ZNF717: variants seen among roughly 807,000 people sequenced by gnomAD.
ZNF717 encodes the protein krueppel-like factor X17.
Under a neutral mutation model 13.8 loss-of-function variants are expected in ZNF717, and 9 were observed. The observed-to-expected ratio is 0.65, with a 90% CI of 0.39 to 1.14. ZNF717 has a LOEUF of 1.14. ZNF717 is among the 50% of genes most tolerant of loss of function. The pLI is 0.01. For synonymous variants in ZNF717, 327 were observed against 364.1 expected (o/e 0.90, Z 1.16); for missense variants, 1,040 against 1,080.7 (o/e 0.96, Z 0.53).
chr3:75,776,068 C>T (rs1944294712), intron 2 of ZNF717, among the ~76,000 whole-genome samples: 1 of 152,252 alleles, frequency 6.6e-6, no homozygotes, highest in Non-Finnish European at 1.5e-5. Flanking sequence ...CAGTGCCATG[C>T]ACCTAATTTG....
intron 2 of ZNF717, among the ~76,000 whole-genome samples, chr3:75,763,641 C>A (rs1457639756): frequency 1.3e-5 from 2 of 152,222 alleles, no homozygotes; most frequent in East Asian, 3.8e-4. Context: ...TCTCTGCCAA[C>A]CCAGGATTAG....
rs68133263 is a variant in ZNF717 at position 75,779,713 on chromosome 3, G to A, written c.57+3593C>T. On this transcript the variant is annotated intron_variant, in intron 2 of 4. Transcript: ENST00000652011. Reference sequence around the variant, plus strand: ...CAGGATCCAAAGCAATGGGAGTGACGTGCTAAAACCGGAACCCAAAACCAT... The same window carrying A: ...CAGGATCCAAAGCAATGGGAGTGACATGCTAAAACCGGAACCCAAAACCAT... Among the ~76,000 whole-genome samples the A allele has an allele frequency of 2.6e-3, 385 of 146,176 alleles. 18 individuals carry two copies. The East Asian group carries it at 0.059, about 22-fold the overall frequency.
chr3:75,741,148 A>G, intron 4 of ZNF717, 128 bp downstream of exon 4: 3 of 658,242 alleles, frequency 4.6e-6, no homozygotes, highest in Middle Eastern at 4.1e-4. Flanking sequence ...TATAATGCAC[A>G]TTTAATGCAG....
intron 2 of ZNF717, among the ~76,000 whole-genome samples, chr3:75,754,716 C>T: frequency 6.6e-6 from 1 of 151,992 alleles, no homozygotes; most frequent in East Asian, 1.9e-4. Context: ...TGTGGGACAA[C>T]TACAAAAGGT....
intron 6 of ZNF717, among the ~76,000 whole-genome samples, chr3:75,696,270 A>T (rs1937602305): frequency 6.6e-6 from 1 of 152,310 alleles, no homozygotes; most frequent in Admixed American, 6.5e-5. Context: ...AAAAATCTAA[A>T]ACCTGAACAG....
intron 2 of ZNF717, among the ~76,000 whole-genome samples, chr3:75,758,503 T>C (rs1942693349): frequency 6.6e-6 from 1 of 152,146 alleles, no homozygotes; most frequent in Non-Finnish European, 1.5e-5. Flanking sequence ...GGTACAGCAG[T>C]ACGAAGGCCT....
chr3:75,718,641 C>T (rs200981682), intron 4 of ZNF717, among the ~76,000 whole-genome samples: 2 of 152,278 alleles, frequency 1.3e-5, no homozygotes, highest in Admixed American at 6.5e-5. Flanking sequence ...AGGATAGTTG[C>T]AGGATGAAAT....
intron 6 of ZNF717, among the ~76,000 whole-genome samples, chr3:75,704,274 T>C (rs1937755761): frequency 6.6e-6 from 1 of 152,428 alleles, no homozygotes; most frequent in African/African-American, 2.4e-5. Context: ...CACCTCAAAT[T>C]TTTTCTGCAT....
chr3:75,750,641 T>G (rs796127958), intron 2 of ZNF717, among the ~76,000 whole-genome samples: 1 of 151,850 alleles, frequency 6.6e-6, no homozygotes, highest in East Asian at 1.9e-4. Flanking sequence ...GGAGTCTGAG[T>G]GTTTGTCCCT....
chr3:75,735,551 G>A (rs1364399558), downstream of ZNF717, among the ~76,000 whole-genome samples: 2 of 34,194 alleles, frequency 5.8e-5, no homozygotes, highest in Non-Finnish European at 1.2e-4. Context: ...AGACTGAGGT[G>A]GAAGGATCAC....
At position 75,783,315 on chromosome 3, in the gene ZNF717, A is replaced by C. The variant is rs1398754421; in HGVS notation, c.48T>G (p.Asn16Lys). ...SGCFQELQEK[N>K]KSLELVSFEE... ...CAAATAAACAACTCACCAGAGATTT[A>C]TTCTTTTCTTGTAGCTCTTGGAAAC... Residue 16 changes from asparagine to lysine, a missense_variant, in exon 2 of 5, where the codon AAT becomes AAG. Around this residue, in one of 3 missense-constraint regions of ZNF717, gnomAD observed 123 missense variants for 177.8 expected, o/e 0.69. Coordinates refer to ENST00000652011, the MANE Select transcript of ZNF717 (RefSeq NM_001290208.3). 9 of 1,550,692 alleles carry C rather than the reference A, an allele frequency of 5.8e-6. No homozygotes were observed. The highest frequency in any genetic ancestry group is 7.9e-6 in the Non-Finnish European group (9 of 1,146,214).
intron 6 of ZNF717, among the ~76,000 whole-genome samples, chr3:75,704,027 A>G (rs1937750145): frequency 6.6e-6 from 1 of 152,312 alleles, no homozygotes; most frequent in African/African-American, 2.4e-5. Flanking sequence ...TAAGGATAAT[A>G]TTAATGAGCT....
chr3:75,769,191 C>T (rs1372993200), intron 2 of ZNF717, among the ~76,000 whole-genome samples: 1 of 152,150 alleles, frequency 6.6e-6, no homozygotes, highest in Non-Finnish European at 1.5e-5. Flanking sequence ...TCTGGGACTT[C>T]TGAGGGGCGA....
At chr3:75,710,704 G>C (rs1937913142) in exon 6 of ZNF717, 1 of 152,116 alleles carries the variant, frequency 6.6e-6, no homozygotes, top group South Asian at 2.1e-4. Context: ...AATTTATCTA[G>C]TTTCAGCTCA....
chr3:75,767,720 T>C (rs1943594131), intron 2 of ZNF717, among the ~76,000 whole-genome samples: 1 of 152,102 alleles, frequency 6.6e-6, no homozygotes, highest in African/African-American at 2.4e-5. Flanking sequence ...TAAGGAGACA[T>C]CTGAGAAGAA....
rs1184342824 is a variant in ZNF717 at position 75,737,868 on chromosome 3, A to C, written c.1755T>G (p.His585Gln). 2.6e-6 allele frequency: 4 copies of C among 1,545,742 alleles called. No homozygotes were observed. The highest frequency in any genetic ancestry group is 1.4e-5 in the African/African-American group (1 of 72,384). Residue 585 changes from histidine (H) to glutamine (Q), a missense_variant, in exon 5 of 5, where the codon CAT becomes CAG. Physicochemically the swap from His to Gln is conservative, Grantham distance 24 (BLOSUM62 0). Coordinates refer to ENST00000652011, the MANE Select transcript of ZNF717 (RefSeq NM_001290208.3). ...TACATTCATAGGGTTTTTTGCCAGCATGAGTTCTCTGATGTATAGTTAGGA... is the reference window on the plus strand; with the variant it reads ...TACATTCATAGGGTTTTTTGCCAGCCTGAGTTCTCTGATGTATAGTTAGGA... ...KSFLTIHQRT[H>Q]AGKKPYECNE...
intron 2 of ZNF717, among the ~76,000 whole-genome samples, chr3:75,770,331 C>T (rs1490157027): frequency 5.3e-5 from 8 of 152,212 alleles, no homozygotes; most frequent in East Asian, 1.9e-4. Flanking sequence ...GAGGCCGAGG[C>T]GGGCAGATCA....
downstream of ZNF717, among the ~76,000 whole-genome samples, chr3:75,733,237 G>C (rs1416342885): frequency 6.6e-6 from 1 of 152,172 alleles, no homozygotes; most frequent in African/African-American, 2.4e-5. Flanking sequence ...GTGTAACATA[G>C]AGTGATGAGA....
At chr3:75,762,636 C>T (rs1488875623) in intron 2 of ZNF717, among the ~76,000 whole-genome samples, 13 of 152,028 alleles carry the variant, frequency 8.6e-5, no homozygotes, top group South Asian at 6.2e-4. Flanking sequence ...CAACACTACT[C>T]GAAGTGACCT....
Sources: gnomAD v4.1 joint callset for allele counts (sites outside exome capture counted in the v4.1 genomes callset) on GRCh38, gnomAD v4.1.1 for gene constraint, gnomAD v4.1.1 regional missense constraint, MANE v1.5 for transcripts, NCBI Gene and HGNC (gene_info 2026-07-23, HGNC 2026-07-21) for gene names.